TTC21A: variants seen among roughly 807,000 people sequenced by gnomAD.
TTC21A encodes the protein tetratricopeptide repeat domain 21A.
TTC21A carries 128 observed loss-of-function variants against 156.4 expected under a neutral mutation model. The observed-to-expected ratio is 0.82, with a 90% CI of 0.71 to 0.95. The LOEUF (loss-of-function observed/expected upper bound fraction) is 0.95, where lower values mean the gene tolerates loss of function less well. Among genes scored for constraint, TTC21A ranks in the 40% least tolerant of loss-of-function variants. The probability of loss-of-function intolerance (pLI) is 0.00; values close to 1 mark genes in which losing one functional copy is unlikely to be tolerated. For synonymous variants in TTC21A, 587 were observed against 617.1 expected, an observed-to-expected ratio of 0.95 and a Z score of 0.72; for missense variants, 1,435 against 1,602.3, an observed-to-expected ratio of 0.90 and a Z score of 1.78.
Position 39,134,544 on chromosome 3 carries a change from G to A in TTC21A, c.2862+216G>A. 3.1e-6 allele frequency: 2 copies of A among 640,096 alleles called. No individual in the cohort carries two copies. The highest frequency in any genetic ancestry group is 3.4e-5 in the South Asian group (2 of 58,190). The allele number at this position is 640,096 out of a possible 1,614,324, so 39.7% of individuals were successfully genotyped here. A position where few individuals can be genotyped will look rare whatever the true frequency, so the allele number is the denominator to read the frequency against. Reference sequence around the variant, plus strand: ...GGCAGTGGGCAGCATCAATCTCCTGGGCCAGTCTAAGGTGGGGTGAGGTTG... The same window carrying A: ...GGCAGTGGGCAGCATCAATCTCCTGAGCCAGTCTAAGGTGGGGTGAGGTTG... On this transcript the variant is annotated intron_variant, in intron 21 of 28. Coordinates refer to ENST00000683103, the MANE Select transcript of TTC21A (RefSeq NM_001366900.1). This position sits in a 1 kb window ranked among gnomAD's most constrained non-coding sequence, Gnocchi z 4.6.
chr3:39,110,726 TGAA>T, intron 3 of TTC21A, 122 bp from the exon 4 acceptor site: 2 of 985,806 alleles, frequency 2.0e-6, no homozygotes, highest in Non-Finnish European at 3.1e-6. Context: ...CTGCATATGT[TGAA>T]GGAGATCCAC....
intron 12 of TTC21A, 128 bp downstream of exon 12, chr3:39,126,518 A>ATG: frequency 1.1e-6 from 1 of 908,518 alleles, no homozygotes; most frequent in Non-Finnish European, 1.6e-6. Flanking sequence ...ACACACACAC[A>ATG]CACTCTCCTT....
At chr3:39,111,913 G>A (rs2036861433) in intron 4 of TTC21A, among the ~76,000 whole-genome samples, 2 of 152,190 alleles carry the variant, frequency 1.3e-5, no homozygotes, top group East Asian at 1.9e-4. Context: ...CTCCCCATCT[G>A]CCTGGAGAGG....
chr3:39,119,949 A>G lies in TTC21A; in HGVS notation c.829A>G (p.Lys277Glu). ...TATNHVRNLIKALETREPENP... is the reference protein window; with the variant it reads ...TATNHVRNLIEALETREPENP... ...TACCAATCACGTTAGAAATCTGATT[A>G]AGGCACTAGAGACAAGGGAACCCGA... is the stretch of plus-strand genomic sequence containing the variant. The change falls in exon 8 of 29, where the codon AAG (lysine) becomes GAG (glutamate). Residue 277 changes from lysine to glutamate, a missense_variant. Physicochemically the swap from Lys to Glu is moderately conservative, Grantham distance 56 (BLOSUM62 1). Transcript: ENST00000683103. 1 of 1,608,958 alleles carries G rather than the reference A, an allele frequency of 6.2e-7. No homozygotes were observed. The highest frequency in any genetic ancestry group is 2.2e-5 in the East Asian group (1 of 44,870).
At chr3:39,127,707 C>A (rs1342797327) in intron 12 of TTC21A, among the ~76,000 whole-genome samples, 1 of 152,208 alleles carries the variant, frequency 6.6e-6, no homozygotes, top group African/African-American at 2.4e-5. Context: ...AAAGTGCCAG[C>A]CTGTCTGCAG....
chr3:39,136,498 T>G lies in TTC21A; in HGVS notation c.3086T>G (p.Ile1029Ser). The change falls in exon 23 of 29, where the codon ATC (isoleucine) becomes AGC (serine). Residue 1029 changes from isoleucine (I) to serine (S), a missense_variant. Transcript: ENST00000683103. Reference sequence around the variant, plus strand: ...CCAGGGTTCAATTACTGCAGAGGTATCTACTGCTGGTGAGTTGGGTGTGGT... The same window carrying G: ...CCAGGGTTCAATTACTGCAGAGGTAGCTACTGCTGGTGAGTTGGGTGTGGT... ...LEPGFNYCRG[I>S]YCWHIGQPNE... The G allele has an allele frequency of 6.2e-7, 1 of 1,614,030 alleles. No individual in the cohort carries two copies. Among genetic ancestry groups the G allele is most frequent in the Non-Finnish European group, 8.5e-7 (1 of 1,179,950 alleles).
intron 20 of TTC21A, 112 bp downstream of exon 20, chr3:39,133,352 C>T: frequency 8.9e-7 from 1 of 1,128,254 alleles, no homozygotes; most frequent in Non-Finnish European, 1.2e-6. Context: ...CCTGAGGAGT[C>T]ACAGATATGA....
chr3:39,128,549 C>T (rs1396010863), intron 13 of TTC21A, 61 bp downstream of exon 13: 2 of 1,607,628 alleles, frequency 1.2e-6, no homozygotes, highest in South Asian at 1.1e-5. Flanking sequence ...CCCTGTTTGC[C>T]TTCTGAGAGT....
intron 3 of TTC21A, 109 bp downstream of exon 3, chr3:39,110,248 G>T: frequency 1.2e-6 from 1 of 818,434 alleles, no homozygotes. Flanking sequence ...GTGCCCTGGT[G>T]GCTGTGCAGA....
Position 39,133,128 on chromosome 3 carries a change from T to C in TTC21A, c.2639T>C (p.Leu880Pro). 6.2e-7 allele frequency: 1 copy of C among 1,614,246 alleles called. No homozygotes were observed. The highest frequency in any genetic ancestry group is 1.1e-5 in the South Asian group (1 of 91,086). The change falls in exon 20 of 29, where the codon CTG becomes CCG. Residue 880 changes from leucine to proline, a missense_variant. Coordinates refer to ENST00000683103, the MANE Select transcript of TTC21A (RefSeq NM_001366900.1). The part of the protein sequence containing the change: ...QPEMIPSQKQ[L>P]AASICIQFAE... ...GAAATGATTCCCTCCCAGAAGCAAC[T>C]GGCAGCCTCTATCTGCATCCAATTT...
chr3:39,111,486 C>T (rs964357026), intron 4 of TTC21A, among the ~76,000 whole-genome samples: 11 of 152,186 alleles, frequency 7.2e-5, no homozygotes, highest in African/African-American at 2.7e-4. Flanking sequence ...GGGCCATTCC[C>T]TCCCTGTAAT....
At chr3:39,108,114 C>A in intron 1 of TTC21A, 2 of 584,862 alleles carry the variant, frequency 3.4e-6, no homozygotes, top group South Asian at 2.1e-5. Flanking sequence ...TATCATTATC[C>A]CTTCTTGTCA....
intron 9 of TTC21A, among the ~76,000 whole-genome samples, chr3:39,122,578 G>A (rs955944982): frequency 2.6e-5 from 4 of 152,264 alleles, no homozygotes; most frequent in South Asian, 2.1e-4. Context: ...AGCATGCCAC[G>A]GGGCAGTGAG....
intron 26 of TTC21A, 190 bp downstream of exon 26, chr3:39,137,900 G>A (rs1322590137): frequency 1.5e-6 from 1 of 661,030 alleles, no homozygotes; most frequent in Non-Finnish European, 2.6e-6. Flanking sequence ...GACCAGGTGA[G>A]AGGAGGTGCA....
rs1230493052 is a variant in TTC21A, at chr3:39,114,690, C to T, written c.664C>T (p.Gln222Ter). The stretch of plus-strand genomic sequence containing the variant: ...CCTGCCAGCCCTCGTCCTGAAGATG[C>T]AGCTGTTCTTAGCTCGGCAGGACTG... ...SFLPALVLKM[Q>*]LFLARQDWEQ... is the part of the protein sequence containing the mutation. Residue 222 changes from glutamine to a stop codon, truncating the protein, a stop_gained, in exon 6 of 29, where the codon CAG becomes TAG. Coordinates refer to ENST00000683103, the MANE Select transcript of TTC21A (RefSeq NM_001366900.1). LOFTEE classifies it high-confidence loss of function. 6.2e-7 allele frequency: 1 copy of T among 1,614,098 alleles called. No individual in the cohort carries two copies. The highest frequency in any genetic ancestry group is 8.5e-7 in the Non-Finnish European group (1 of 1,180,038).
chr3:39,107,684 AC>A lies in TTC21A; in HGVS notation c.-153del. The A allele has an allele frequency of 7.7e-7, 1 of 1,304,466 alleles. No homozygotes were observed. The highest frequency in any genetic ancestry group is 1.1e-6 in the Non-Finnish European group (1 of 927,510). The allele number at this position is 1,304,466 out of a possible 1,614,324, so 80.8% of individuals were successfully genotyped here. A position where few individuals can be genotyped will look rare whatever the true frequency, so the allele number is the denominator to read the frequency against. On this transcript the variant is annotated 5_prime_UTR_variant, in exon 1 of 29. The change creates a new upstream start codon in the 5' untranslated region. Transcript: ENST00000683103. ...GCGTTTTGTTCCTCCCACTCCAGACACTGGACGCTCCTAGCAACCGGCTAGC... is the reference window on the plus strand; with the variant it reads ...GCGTTTTGTTCCTCCCACTCCAGACATGGACGCTCCTAGCAACCGGCTAGC...
chr3:39,125,289 C>G, intron 10 of TTC21A, 43 bp from the exon 11 acceptor site: 1 of 1,600,158 alleles, frequency 6.2e-7, no homozygotes, highest in Non-Finnish European at 8.6e-7. Context: ...CCAAATCTGC[C>G]CAGGCTGACA....
intron 20 of TTC21A, among the ~76,000 whole-genome samples, 199 bp downstream of exon 20, chr3:39,133,439 C>T (rs1431076524): frequency 6.6e-6 from 1 of 152,242 alleles, no homozygotes; most frequent in African/African-American, 2.4e-5. Flanking sequence ...TCACCTGCTG[C>T]AGCCCTTGGA....
chr3:39,119,972 C>T lies in TTC21A; in HGVS notation c.852C>T (p.Pro284=), dbSNP rs753557211. The change falls in exon 8 of 29, where the codon CCC becomes CCT. Residue 284 remains proline (P), a synonymous_variant. Coordinates refer to ENST00000683103, the MANE Select transcript of TTC21A (RefSeq NM_001366900.1). ...TTAAGGCACTAGAGACAAGGGAACC[C>T]GAAAATCCAAGCCTCCATCTTAAAA... ...NLIKALETRE[P]ENPSLHLKKI... 1.9e-5 allele frequency: 30 copies of T among 1,609,972 alleles called. No individual in the cohort carries two copies. The East Asian group carries it at 2.0e-4, about 11-fold the overall frequency.
Sources: allele counts gnomAD v4.1 joint callset (sites outside exome capture counted in the v4.1 genomes callset), GRCh38; gene constraint gnomAD v4.1.1; non-coding constraint Gnocchi (gnomAD v3.1); transcripts MANE v1.5; gene names NCBI Gene and HGNC (gene_info 2026-07-23, HGNC 2026-07-21).